GALNT13: variants seen among roughly 807,000 people sequenced by gnomAD.
The protein encoded by GALNT13 is polypeptide N-acetylgalactosaminyltransferase 13.
Under a neutral mutation model 64.2 loss-of-function variants are expected in GALNT13, and 28 were observed. That is an observed-to-expected ratio of 0.44 (90% confidence interval 0.32 to 0.60). The LOEUF is 0.60. Among genes scored for constraint, GALNT13 ranks in the 20% least tolerant of loss-of-function variants. The probability of loss-of-function intolerance (pLI) is 0.05; values close to 1 mark genes in which losing one functional copy is unlikely to be tolerated. For missense variants in GALNT13, 577 were observed against 669.8 expected (o/e 0.86, Z 1.53); for synonymous variants, 214 against 224.6 (o/e 0.95, Z 0.42).
chr2:153,941,604 C>T (rs1478833667), intron 2 of GALNT13, among the ~76,000 whole-genome samples: 1 of 152,092 alleles, frequency 6.6e-6, no homozygotes, highest in African/African-American at 2.4e-5. Context: ...AAACCTGGGC[C>T]ACCAACTGTG....
At chr2:153,529,950 G>A in the GALNT13 span, among the ~76,000 whole-genome samples, 2 of 151,968 alleles carry the variant, frequency 1.3e-5, no homozygotes, top group Non-Finnish European at 2.9e-5. Flanking sequence ...ATTAAATGGG[G>A]AAAAACAAAA....
the GALNT13 span, among the ~76,000 whole-genome samples, chr2:153,631,879 G>T: frequency 6.6e-6 from 1 of 152,076 alleles, no homozygotes; most frequent in East Asian, 1.9e-4. Flanking sequence ...TGAAGTCCTT[G>T]CCCATGCCTA....
chr2:153,085,371 C>T, the GALNT13 span, among the ~76,000 whole-genome samples: 1 of 152,128 alleles, frequency 6.6e-6, no homozygotes, highest in Non-Finnish European at 1.5e-5. Context: ...CAGGGCATGT[C>T]AGAGACCTTT....
intron 1 of GALNT13, among the ~76,000 whole-genome samples, chr2:153,881,981 T>G (rs1476117858): frequency 2.0e-5 from 3 of 152,128 alleles, no homozygotes; most frequent in Non-Finnish European, 4.4e-5. Context: ...TTTTTTTCAT[T>G]TAGACTTTTT....
the GALNT13 span, among the ~76,000 whole-genome samples, chr2:153,842,744 G>GCA: frequency 7.9e-5 from 11 of 138,860 alleles, no homozygotes; most frequent in East Asian, 1.0e-3. Flanking sequence ...ACACACACAT[G>GCA]CACACACACA....
At chr2:153,857,550 G>A in the GALNT13 span, among the ~76,000 whole-genome samples, 3 of 152,136 alleles carry the variant, frequency 2.0e-5, no homozygotes, top group Non-Finnish European at 4.4e-5. Flanking sequence ...TTTCATTTCT[G>A]CTTTAACCAC....
chr2:153,524,858 C>T, the GALNT13 span, among the ~76,000 whole-genome samples: 1 of 152,140 alleles, frequency 6.6e-6, no homozygotes. Context: ...TTGTGCTGAA[C>T]TGGGTCTAGA....
chr2:154,169,557 G>A (rs976905271), intron 4 of GALNT13, among the ~76,000 whole-genome samples: 7 of 152,092 alleles, frequency 4.6e-5, no homozygotes, highest in African/African-American at 1.7e-4. Context: ...CTTCAAAACT[G>A]CCCCATATTG....
the GALNT13 span, among the ~76,000 whole-genome samples, chr2:153,149,157 A>G: frequency 1.3e-5 from 2 of 152,018 alleles, no homozygotes; most frequent in Non-Finnish European, 2.9e-5. Context: ...GTTGAACATT[A>G]AATTTGGTCC....
chr2:154,429,913 C>G (rs1383742511), intron 11 of GALNT13, among the ~76,000 whole-genome samples: 2 of 152,062 alleles, frequency 1.3e-5, no homozygotes, highest in African/African-American at 2.4e-5. Context: ...AACAACAAGG[C>G]CTGGATTATA....
chr2:153,450,592 G>A, the GALNT13 span, among the ~76,000 whole-genome samples: 1 of 98,972 alleles, frequency 1.0e-5, no homozygotes, highest in African/African-American at 3.9e-5. Flanking sequence ...TTTTTTTTTT[G>A]GTCCACACTT....
chr2:154,135,075 C>G (rs1682872454), intron 3 of GALNT13, among the ~76,000 whole-genome samples: 1 of 152,118 alleles, frequency 6.6e-6, no homozygotes. Context: ...ATTTTAAATA[C>G]ATATGTATGT....
chr2:154,321,011 G>T (rs1200395574), intron 9 of GALNT13, among the ~76,000 whole-genome samples: 1 of 152,038 alleles, frequency 6.6e-6, no homozygotes, highest in African/African-American at 2.4e-5. Flanking sequence ...AAATATAGGT[G>T]GGAAAGGCAA....
At chr2:154,090,248 A>G (rs1032633513) in intron 3 of GALNT13, among the ~76,000 whole-genome samples, 1 of 152,048 alleles carries the variant, frequency 6.6e-6, no homozygotes, top group Admixed American at 6.6e-5. Context: ...AACTTTACTA[A>G]TATGTTATTT....
chr2:153,224,639 A>G, the GALNT13 span, among the ~76,000 whole-genome samples: 1 of 152,222 alleles, frequency 6.6e-6, no homozygotes. Context: ...GAGAAGACAC[A>G]AATTACCAAT....
chr2:153,728,542 A>T, the GALNT13 span, among the ~76,000 whole-genome samples: 2 of 152,176 alleles, frequency 1.3e-5, no homozygotes, highest in African/African-American at 4.8e-5. Context: ...TCAGAAAGCT[A>T]GAAAGATCAC....
chr2:153,897,632 C>T (rs973452036), intron 1 of GALNT13, among the ~76,000 whole-genome samples: 1 of 152,012 alleles, frequency 6.6e-6, no homozygotes. Flanking sequence ...CACTTTCATG[C>T]GCTGGTGCTG....
At chr2:154,091,017 CAGT>C (rs1312777796) in intron 3 of GALNT13, among the ~76,000 whole-genome samples, 2 of 151,568 alleles carry the variant, frequency 1.3e-5, no homozygotes, top group Non-Finnish European at 2.9e-5. Context: ...CAATTGTTTG[CAGT>C]AGCTATAAAA....
chr2:154,267,589 G>A (rs1361963964), intron 8 of GALNT13, among the ~76,000 whole-genome samples: 1 of 152,106 alleles, frequency 6.6e-6, no homozygotes, highest in Non-Finnish European at 1.5e-5. Flanking sequence ...GCAGTGAGCC[G>A]AGATAGTGCC....
Sources: gnomAD v4.1 joint callset for allele counts (sites outside exome capture counted in the v4.1 genomes callset) on GRCh38, gnomAD v4.1.1 for gene constraint, MANE v1.5 for transcripts, NCBI Gene and HGNC (gene_info 2026-07-23, HGNC 2026-07-21) for gene names.